The following MAMDC2 variants were observed in gnomAD, a reference collection of about 807,000 sequenced individuals.
MAMDC2 encodes the protein MAM domain-containing protein 2.
Under a neutral mutation model 89.8 loss-of-function variants are expected in MAMDC2, and 57 were observed. That is an observed-to-expected ratio of 0.63 (90% CI 0.51 to 0.79). The LOEUF is 0.79. Among genes scored for constraint, MAMDC2 ranks in the 30% least tolerant of loss-of-function variants. The pLI is 0.00. For missense variants in MAMDC2, 800 were observed against 820.6 expected (o/e 0.97, Z 0.31); for synonymous variants, 313 against 293.4 (o/e 1.07, Z -0.68).
rs575848531 is a variant in MAMDC2 at position 70,139,673 on chromosome 9, C to G, written c.995-472C>G. On this transcript the variant is annotated intron_variant, in intron 7 of 13. Coordinates refer to ENST00000377182, the MANE Select transcript of MAMDC2 (RefSeq NM_153267.5). The stretch of plus-strand genomic sequence containing the variant: ...GCTGAGTCAATTGGTAATTCTAGTT[C>G]TAGATCCCTGAGGAATCGCCACACT... 2.2e-3 allele frequency among the ~76,000 whole-genome samples: 337 copies of G among 152,240 alleles called. 3 individuals carry two copies. The highest frequency in any genetic ancestry group is 7.3e-3 in the African/African-American group (303 of 41,536).
At chr9:70,128,562 C>T (rs1406474826) in intron 6 of MAMDC2, among the ~76,000 whole-genome samples, 1 of 152,050 alleles carries the variant, frequency 6.6e-6, no homozygotes, top group Non-Finnish European at 1.5e-5. Context: ...AATGAAGAAA[C>T]CGAGGGCTGG....
At chr9:70,093,021 C>T (rs1484294177) in intron 2 of MAMDC2, among the ~76,000 whole-genome samples, 2 of 151,932 alleles carry the variant, frequency 1.3e-5, no homozygotes. Flanking sequence ...ATGTGAAAGT[C>T]CAAATCAAAG....
At chr9:70,175,809 G>C (rs920419407) in intron 11 of MAMDC2, 2 of 152,236 alleles carry the variant, frequency 1.3e-5, no homozygotes, top group African/African-American at 4.8e-5. Context: ...GGTTCCTTCT[G>C]AAATTTCTCT....
chr9:70,195,111 G>T (rs941273891), intron 11 of MAMDC2, among the ~76,000 whole-genome samples: 6 of 151,834 alleles, frequency 4.0e-5, no homozygotes, highest in Non-Finnish European at 7.4e-5. Flanking sequence ...TCTATTTAAA[G>T]AAAAACATTA....
chr9:70,118,202 C>T (rs544873867), intron 5 of MAMDC2, among the ~76,000 whole-genome samples: 37 of 152,062 alleles, frequency 2.4e-4, no homozygotes, highest in Non-Finnish European at 5.0e-4. Flanking sequence ...GGAAGCCTGA[C>T]TGCCTGCATT....
At position 70,116,980 on chromosome 9, in the gene MAMDC2, A is replaced by G. The variant is rs142869522; in HGVS notation, c.643+3848A>G. Among the ~76,000 whole-genome samples the G allele has an allele frequency of 5.3e-3, 808 of 152,198 alleles. 7 individuals carry two copies. The highest frequency in any genetic ancestry group is 0.018 in the African/African-American group (755 of 41,520). On this transcript the variant is annotated intron_variant, in intron 5 of 13. Coordinates refer to ENST00000377182, the MANE Select transcript of MAMDC2 (RefSeq NM_153267.5). ...AAGGCAGGCAGCTTTTCCTACTAGCATTGCTTAGTCCCCATATGTCAATAC... is the reference window on the plus strand; with the variant it reads ...AAGGCAGGCAGCTTTTCCTACTAGCGTTGCTTAGTCCCCATATGTCAATAC...
chr9:70,209,813 C>G (rs866301130), intron 11 of MAMDC2, among the ~76,000 whole-genome samples: 2 of 152,168 alleles, frequency 1.3e-5, no homozygotes, highest in African/African-American at 4.8e-5. Flanking sequence ...TAAATGTGTG[C>G]CAGAGATTCT....
intron 9 of MAMDC2, among the ~76,000 whole-genome samples, chr9:70,159,585 A>C (rs1360558915): frequency 6.6e-6 from 1 of 152,212 alleles, no homozygotes; most frequent in East Asian, 1.9e-4. Flanking sequence ...GGAGGGGTTC[A>C]TCTAGAGCAG....
chr9:70,069,061 G>A (rs1344881689), intron 2 of MAMDC2, among the ~76,000 whole-genome samples: 1 of 152,312 alleles, frequency 6.6e-6, no homozygotes, highest in East Asian at 1.9e-4. Flanking sequence ...CTTGGAAGGG[G>A]CAGAACCCGG....
chr9:70,073,050 G>C (rs1352736561), intron 2 of MAMDC2, among the ~76,000 whole-genome samples: 1 of 152,218 alleles, frequency 6.6e-6, no homozygotes, highest in East Asian at 1.9e-4. Flanking sequence ...GGCCAGGCTA[G>C]TCGCAAATTC....
intron 11 of MAMDC2, among the ~76,000 whole-genome samples, chr9:70,179,552 A>G (rs959683990): frequency 2.7e-5 from 4 of 146,528 alleles, no homozygotes; most frequent in Non-Finnish European, 6.1e-5. Context: ...AATAAATAAA[A>G]ATAAAATAAA....
intron 11 of MAMDC2, among the ~76,000 whole-genome samples, chr9:70,186,854 G>A (rs1447692325): frequency 6.6e-6 from 1 of 152,162 alleles, no homozygotes; most frequent in Non-Finnish European, 1.5e-5. Context: ...GGAAGGAGGT[G>A]CTAGGCTCTT....
At chr9:70,183,731 T>C (rs2032692361) in intron 11 of MAMDC2, among the ~76,000 whole-genome samples, 1 of 152,210 alleles carries the variant, frequency 6.6e-6, no homozygotes, top group African/African-American at 2.4e-5. Flanking sequence ...ATTTTGAGCC[T>C]ATGTGTGTCT....
At chr9:70,164,109 T>C (rs1390627240) in intron 9 of MAMDC2, among the ~76,000 whole-genome samples, 3 of 152,172 alleles carry the variant, frequency 2.0e-5, no homozygotes, top group Non-Finnish European at 2.9e-5. Flanking sequence ...CAGTGGACAT[T>C]TGGCAATGTC....
intron 6 of MAMDC2, among the ~76,000 whole-genome samples, chr9:70,130,010 G>GTGTT (rs1482463132): frequency 7.6e-5 from 1 of 13,208 alleles, no homozygotes; most frequent in Non-Finnish European, 2.8e-4. Flanking sequence ...ATGGCATTCT[G>GTGTT]TGTGTGTGTG....
chr9:70,113,255 T>C, intron 5 of MAMDC2, 123 bp downstream of exon 5: 1 of 1,123,590 alleles, frequency 8.9e-7, no homozygotes, highest in South Asian at 1.5e-5. Flanking sequence ...GGAGGGTGAG[T>C]AGGAACTAAG....
intron 11 of MAMDC2, chr9:70,170,832 T>C: frequency 2.1e-6 from 1 of 470,062 alleles, no homozygotes; most frequent in Admixed American, 4.1e-5. Context: ...TTATGTACAT[T>C]GCTGCAGCAA....
chr9:70,202,066 T>C (rs77240042), intron 11 of MAMDC2, among the ~76,000 whole-genome samples: 10,444 of 152,008 alleles, frequency 0.069, 569 homozygotes, highest in East Asian at 0.22. Context: ...AGTTCTGCTC[T>C]GATTTTAGTT....
intron 11 of MAMDC2, chr9:70,216,279 A>AACTT (rs1265576081): frequency 1.3e-5 from 2 of 152,222 alleles, no homozygotes; most frequent in African/African-American, 2.4e-5. Flanking sequence ...AAACAACAGA[A>AACTT]ACTTACCTCT....
Sources: allele counts gnomAD v4.1 joint callset (sites outside exome capture counted in the v4.1 genomes callset), GRCh38; gene constraint gnomAD v4.1.1; transcripts MANE v1.5; gene names NCBI Gene and HGNC (gene_info 2026-07-23, HGNC 2026-07-21).